DTWD2: variants seen among roughly 807,000 people sequenced by gnomAD.
DTWD2 encodes the protein DTW motif tRNA-uridine aminocarboxypropyltransferase 2.
Under a neutral mutation model 31.8 loss-of-function variants are expected in DTWD2, and 39 were observed. The ratio of observed to expected loss-of-function variants is 1.22; its 90% CI spans 0.95 to 1.60. The LOEUF is 1.60. DTWD2 is among the 40% of genes most tolerant of loss of function. The pLI is 0.00. For synonymous variants in DTWD2, 180 were observed against 142.8 expected, an observed-to-expected ratio of 1.26 and a Z score of -1.86; for missense variants, 515 against 381.5, an observed-to-expected ratio of 1.35 and a Z score of -2.92.
intron 1 of DTWD2, 48 bp downstream of exon 1, chr5:118,988,246 C>G (rs1561484246): frequency 3.3e-6 from 5 of 1,531,496 alleles, no homozygotes; most frequent in African/African-American, 2.7e-5. Context: ...GCACCCTCCT[C>G]CGAAGGCCGC....
chr5:118,953,851 G>A (rs1233924796), intron 1 of DTWD2, among the ~76,000 whole-genome samples: 1 of 152,170 alleles, frequency 6.6e-6, no homozygotes, highest in Non-Finnish European at 1.5e-5. Flanking sequence ...GGTATTAGGT[G>A]TGGCCTAAAG....
intron 5 of DTWD2, among the ~76,000 whole-genome samples, chr5:118,846,920 GCACACACACACACACACACACACACA>G (rs144531960): frequency 4.4e-5 from 6 of 134,870 alleles, no homozygotes; most frequent in African/African-American, 1.0e-4. Context: ...AAACACACAG[GCACACACACACACACACACACACACA>G]CACACACACA....
At chr5:118,985,517 TACACACAC>T (rs1260597928) in intron 1 of DTWD2, among the ~76,000 whole-genome samples, 20 of 107,652 alleles carry the variant, frequency 1.9e-4, no homozygotes, top group South Asian at 3.1e-4. Context: ...TATATATATA[TACACACAC>T]ATATATACAT....
In DTWD2 at chr5:118,980,692, C is replaced by T. The variant is rs541495845; in HGVS notation, c.218+7602G>A. Among the ~76,000 whole-genome samples the T allele has an allele frequency of 2.6e-5, 4 of 152,252 alleles. No homozygotes were observed. The South Asian group carries it at 8.3e-4, about 32-fold the overall frequency. ...AGGAATGTGGAAAAAACAGAAAGCT[C>T]ATACACTGCTGGTGGGAATGTAGGT... On this transcript the variant is annotated intron_variant, in intron 1 of 5. Coordinates refer to ENST00000510708, the MANE Select transcript of DTWD2 (RefSeq NM_173666.4).
chr5:118,912,770 T>G (rs913990494), intron 4 of DTWD2, among the ~76,000 whole-genome samples: 1 of 152,168 alleles, frequency 6.6e-6, no homozygotes, highest in African/African-American at 2.4e-5. Flanking sequence ...CAGCTTACTA[T>G]AAACTCCATG....
At chr5:118,933,698 C>T (rs983812326) in intron 3 of DTWD2, among the ~76,000 whole-genome samples, 11 of 152,186 alleles carry the variant, frequency 7.2e-5, no homozygotes, top group Admixed American at 2.6e-4. Context: ...TAGCATTATA[C>T]GTAATTGTTC....
At chr5:118,907,775 G>C (rs149916381) in intron 4 of DTWD2, among the ~76,000 whole-genome samples, 152 of 151,260 alleles carry the variant, frequency 1.0e-3, no homozygotes, top group African/African-American at 3.6e-3. Flanking sequence ...CAGTGGCACA[G>C]ATGAAGTCCA....
chr5:118,926,088 C>A (rs949914899), intron 4 of DTWD2, among the ~76,000 whole-genome samples: 1 of 152,046 alleles, frequency 6.6e-6, no homozygotes, highest in African/African-American at 2.4e-5. Flanking sequence ...AAAAAAAAGA[C>A]ACATGCGCAG....
chr5:118,887,984 C>T (rs1752903060), intron 4 of DTWD2, among the ~76,000 whole-genome samples: 1 of 152,116 alleles, frequency 6.6e-6, no homozygotes, highest in East Asian at 1.9e-4. Context: ...TGGACAATAC[C>T]ATCTGCAACT....
At position 118,837,057 on chromosome 5, in the gene DTWD2, T is replaced by C. The variant is rs1004484855; in HGVS notation, c.*3860A>G. ...GTATCTTTTGTTTAAAAACATGCTA[T>C]GTAAGGATGTATGAGTATTTGTATA... On this transcript the variant is annotated 3_prime_UTR_variant, in exon 6 of 6. Coordinates refer to ENST00000510708, the MANE Select transcript of DTWD2 (RefSeq NM_173666.4). Among the ~76,000 whole-genome samples the C allele has an allele frequency of 4.6e-5, 7 of 152,140 alleles. No homozygotes were observed. Among genetic ancestry groups the C allele is most frequent in the African/African-American group, 9.7e-5 (4 of 41,426 alleles).
In DTWD2 at chr5:118,864,272, T is replaced by C. The variant is rs558416225; in HGVS notation, c.598-16054A>G. ...GGAAATTATCATTCTCAGTAAACTA[T>C]TGCAAGGACAAAAAACCAAACACTG... On this transcript the variant is annotated intron_variant, in intron 4 of 5. Transcript: ENST00000510708. 3.1e-4 allele frequency among the ~76,000 whole-genome samples: 46 copies of C among 150,362 alleles called. No individual in the cohort carries two copies. In the South Asian group the frequency reaches 5.3e-3, roughly 17 times the overall value.
At chr5:118,924,243 C>T (rs1481391188) in intron 4 of DTWD2, among the ~76,000 whole-genome samples, 1 of 152,172 alleles carries the variant, frequency 6.6e-6, no homozygotes, top group Non-Finnish European at 1.5e-5. Flanking sequence ...GGATATTAAT[C>T]TCCTGCTTCC....
intron 5 of DTWD2, among the ~76,000 whole-genome samples, chr5:118,841,951 C>CA (rs1751724822): frequency 6.6e-6 from 1 of 152,042 alleles, no homozygotes; most frequent in Non-Finnish European, 1.5e-5. Context: ...GATTTAACTA[C>CA]AAAAAATTCA....
chr5:118,875,606 C>T lies in DTWD2; in HGVS notation c.598-27388G>A, dbSNP rs181527475. On this transcript the variant is annotated intron_variant, in intron 4 of 5. Coordinates refer to ENST00000510708, the MANE Select transcript of DTWD2 (RefSeq NM_173666.4). ...AAAAAGACTTTAAACCAACAAAGAT[C>T]ATAAAAGACAAAAAGGTGCATTACA... Among the ~76,000 whole-genome samples the T allele has an allele frequency of 3.6e-4, 42 of 117,612 alleles. No homozygotes were observed. The East Asian group carries it at 0.01, about 29-fold the overall frequency. The allele number at this position is 117,612 out of a possible 152,430, so 77.2% of individuals were successfully genotyped here. A position where few individuals can be genotyped will look rare whatever the true frequency, so the allele number is the denominator to read the frequency against.
chr5:118,896,731 A>G (rs1355238777), intron 4 of DTWD2, among the ~76,000 whole-genome samples: 2 of 152,212 alleles, frequency 1.3e-5, no homozygotes, highest in African/African-American at 4.8e-5. Context: ...CAGAAGTATA[A>G]GATTATTGAA....
At chr5:118,939,846 G>C (rs1395790267) in intron 2 of DTWD2, among the ~76,000 whole-genome samples, 2 of 152,132 alleles carry the variant, frequency 1.3e-5, no homozygotes, top group Admixed American at 6.5e-5. Context: ...TGAACAATCT[G>C]AGCAAGAAAA....
At chr5:118,846,631 C>T (rs1000896982) in intron 5 of DTWD2, among the ~76,000 whole-genome samples, 1 of 152,144 alleles carries the variant, frequency 6.6e-6, no homozygotes, top group African/African-American at 2.4e-5. Flanking sequence ...CACTGGGTTA[C>T]ATAATTCTAT....
intron 1 of DTWD2, among the ~76,000 whole-genome samples, chr5:118,981,221 CAG>C (rs1486921001): frequency 2.0e-5 from 3 of 152,100 alleles, no homozygotes; most frequent in Non-Finnish European, 4.4e-5. Context: ...GTGTAATGGA[CAG>C]AGTTTATGTT....
At chr5:118,916,318 G>C (rs955465177) in intron 4 of DTWD2, among the ~76,000 whole-genome samples, 1 of 152,060 alleles carries the variant, frequency 6.6e-6, no homozygotes, top group African/African-American at 2.4e-5. Context: ...TTATTTAGTG[G>C]CAGTAAATAA....
Sources: allele counts gnomAD v4.1 joint callset (sites outside exome capture counted in the v4.1 genomes callset), GRCh38; gene constraint gnomAD v4.1.1; transcripts MANE v1.5; gene names NCBI Gene and HGNC (gene_info 2026-07-23, HGNC 2026-07-21).